The following MRPL11 variants were observed in gnomAD, a reference collection of about 807,000 sequenced individuals.
MRPL11 encodes the protein mitochondrial ribosomal protein L11, also known as large ribosomal subunit protein uL11m.
In MRPL11, 21 loss-of-function variants were observed where a neutral mutation model predicts 19.1. The ratio of observed to expected loss-of-function variants is 1.10; its 90% CI spans 0.78 to 1.58. The LOEUF (loss-of-function observed/expected upper bound fraction) is 1.58. Among genes scored for constraint, MRPL11 ranks in the 40% most tolerant of loss-of-function variants. MRPL11 has a pLI of 0.00. For synonymous variants in MRPL11, 108 were observed against 99.7 expected, an observed-to-expected ratio of 1.08 and a Z score of -0.49; for missense variants, 242 against 243.9, an observed-to-expected ratio of 0.99 and a Z score of 0.05.
rs368362939 is a variant in MRPL11, at chr11:66,438,200, C to T, written c.183G>A (p.Lys61=). The change falls in exon 2 of 5, where the codon AAG becomes AAA. Residue 61 remains lysine (K), a synonymous_variant. Coordinates refer to ENST00000310999, the MANE Select transcript of MRPL11 (RefSeq NM_016050.5). ...KEFNERTKDI[K]EGIPLPTKIL... ...TCTTGGTAGGCAGAGGAATGCCTTC[C>T]TTGATGTCCTTTGTCCTCTCATTGA... 61 of 1,613,934 alleles carry T rather than the reference C, an allele frequency of 3.8e-5. No homozygotes were observed. The highest frequency in any genetic ancestry group is 1.8e-4 in the Admixed American group (11 of 60,006).
chr11:66,436,726 G>C, intron 4 of MRPL11: 1 of 895,196 alleles, frequency 1.1e-6, no homozygotes, highest in Non-Finnish European at 1.8e-6. Flanking sequence ...CCATGACAGG[G>C]GTCCCTGTTT....
Position 66,436,027 on chromosome 11 carries a change from C to G in MRPL11, c.559G>C (p.Glu187Gln), listed in dbSNP as rs750440982. The change falls in exon 5 of 5, where the codon GAA becomes CAA. Residue 187 changes from glutamate (E) to glutamine (Q), a missense_variant. Physicochemically the swap from Glu to Gln is conservative, Grantham distance 29 (BLOSUM62 2). Coordinates refer to ENST00000310999, the MANE Select transcript of MRPL11 (RefSeq NM_016050.5). ...AQKEADLAAQ[E>Q]EAAKK ...AAGGGTCACTTCTTGGCAGCTTCTT[C>G]TTGGGCAGCCAAATCTGCCTCCTTC... 2 of 1,613,796 alleles carry G rather than the reference C, an allele frequency of 1.2e-6. No individual in the cohort carries two copies. The highest frequency in any genetic ancestry group is 1.7e-6 in the Non-Finnish European group (2 of 1,179,864).
rs1400753626 is a variant in MRPL11 at position 66,435,752 on chromosome 11, C to A, written c.*255G>T. 2.6e-6 allele frequency: 1 copy of A among 391,572 alleles called. No homozygotes were observed. The highest frequency in any genetic ancestry group is 2.0e-5 in the African/African-American group (1 of 49,576). The allele number at this position is 391,572 out of a possible 1,614,324, so 24.3% of individuals were successfully genotyped here. Reference sequence around the variant, plus strand: ...GCACATCTGAGAAGCAGTATGAAGACCCCAATTTCCTAATGTCTGCCCATA... The same window carrying A: ...GCACATCTGAGAAGCAGTATGAAGAACCCAATTTCCTAATGTCTGCCCATA... On this transcript the variant is annotated 3_prime_UTR_variant, in exon 5 of 5. Coordinates refer to ENST00000310999, the MANE Select transcript of MRPL11 (RefSeq NM_016050.5).
intron 2 of MRPL11, 27 bp downstream of exon 2, chr11:66,438,137 A>T (rs1484511132): frequency 6.5e-7 from 1 of 1,531,750 alleles, no homozygotes; most frequent in East Asian, 2.3e-5. Flanking sequence ...GGGAGAAGGA[A>T]ACCAGGGATC....
intron 4 of MRPL11, among the ~76,000 whole-genome samples, 185 bp from the exon 5 acceptor site, chr11:66,436,297 C>T (rs1856967727): frequency 6.6e-6 from 1 of 152,236 alleles, no homozygotes; most frequent in Admixed American, 6.5e-5. Context: ...GACAACATCT[C>T]CCAACCCCCA....
intron 3 of MRPL11, 31 bp downstream of exon 3, chr11:66,437,319 C>T: frequency 6.2e-7 from 1 of 1,614,184 alleles, no homozygotes; most frequent in Non-Finnish European, 8.5e-7. Context: ...CTGGAGCCCC[C>T]AGAATCTCAG....
chr11:66,438,454 G>A (rs776127600), intron 1 of MRPL11, among the ~76,000 whole-genome samples, 178 bp downstream of exon 1: 1 of 152,224 alleles, frequency 6.6e-6, no homozygotes, highest in Non-Finnish European at 1.5e-5. Context: ...TTGAAGAAGG[G>A]ATGAGGAAGC....
In MRPL11 at chr11:66,436,440, G is replaced by A. The variant is rs550801030; in HGVS notation, c.474-328C>T. Reference sequence around the variant, plus strand: ...ACAATGACGTCACGGGGCTGAGCATGTGTGTCTCTCCCAGGACAGGGGTCA... The same window carrying A: ...ACAATGACGTCACGGGGCTGAGCATATGTGTCTCTCCCAGGACAGGGGTCA... On this transcript the variant is annotated intron_variant, in intron 4 of 4. Transcript: ENST00000310999. 1.1e-4 allele frequency among the ~76,000 whole-genome samples: 17 copies of A among 152,158 alleles called. No individual in the cohort carries two copies. The South Asian group carries it at 3.5e-3, about 32-fold the overall frequency.
chr11:66,436,040 A>C lies in MRPL11; in HGVS notation c.546T>G (p.Asp182Glu), dbSNP rs578101480. Reference protein sequence around the residue: ...AIFLAAQKEADLAAQEEAAKK With the variant: ...AIFLAAQKEAELAAQEEAAKK ...TGGCAGCTTCTTCTTGGGCAGCCAA[A>C]TCTGCCTCCTTCTGAGCAGCCAGGA... Residue 182 changes from aspartate to glutamate, a missense_variant, in exon 5 of 5, where the codon GAT becomes GAG. Transcript: ENST00000310999. 1.4e-5 allele frequency: 22 copies of C among 1,613,962 alleles called. No homozygotes were observed. In the East Asian group the frequency reaches 3.1e-4, roughly 23 times the overall value.
chr11:66,437,521 C>A, intron 2 of MRPL11, 78 bp from the exon 3 acceptor site: 4 of 1,273,338 alleles, frequency 3.1e-6, no homozygotes, highest in Non-Finnish European at 4.5e-6. Flanking sequence ...TTGCCCCCTG[C>A]TTCCTTCATC....
Position 66,438,205 on chromosome 11 carries a change from T to G in MRPL11, c.178A>C (p.Ile60Leu). Reference protein sequence around the residue: ...CKEFNERTKDIKEGIPLPTKI... With the variant: ...CKEFNERTKDLKEGIPLPTKI... ...GTAGGCAGAGGAATGCCTTCCTTGATGTCCTTTGTCCTCTCATTGAACTCC... is the reference window on the plus strand; with the variant it reads ...GTAGGCAGAGGAATGCCTTCCTTGAGGTCCTTTGTCCTCTCATTGAACTCC... Residue 60 changes from isoleucine (I) to leucine (L), a missense_variant, in exon 2 of 5, where the codon ATC (isoleucine) becomes CTC (leucine). Ile to Leu is a conservative substitution (Grantham distance 5). Coordinates refer to ENST00000310999, the MANE Select transcript of MRPL11 (RefSeq NM_016050.5). 1.2e-6 allele frequency: 2 copies of G among 1,614,130 alleles called. No individual in the cohort carries two copies. The highest frequency in any genetic ancestry group is 1.7e-6 in the Non-Finnish European group (2 of 1,179,978).
At chr11:66,438,025 A>T (rs1857021627) in intron 2 of MRPL11, 139 bp downstream of exon 2, 1 of 637,652 alleles carries the variant, frequency 1.6e-6, no homozygotes, top group Non-Finnish European at 2.8e-6. Flanking sequence ...AAAAAATATG[A>T]TCTAGTCCTA....
At chr11:66,436,830 A>G in intron 4 of MRPL11, 1 of 1,613,870 alleles carries the variant, frequency 6.2e-7, no homozygotes, top group Non-Finnish European at 8.5e-7. Context: ...AGGACGACAG[A>G]CCCAGGTCAC....
At chr11:66,437,046 G>C in intron 4 of MRPL11, 58 bp downstream of exon 4, 1 of 1,590,368 alleles carries the variant, frequency 6.3e-7, no homozygotes, top group Non-Finnish European at 8.5e-7. Flanking sequence ...TCTCAGCTCT[G>C]CCCGAGTCCA....
Position 66,436,053 on chromosome 11 carries a change from T to C in MRPL11, c.533A>G (p.Gln178Arg). Residue 178 changes from glutamine to arginine, a missense_variant, in exon 5 of 5, where the codon CAG becomes CGG. Transcript: ENST00000310999. ...TTGGGCAGCCAAATCTGCCTCCTTC[T>C]GAGCAGCCAGGAAGATGGCTCGTTC... The part of the protein sequence containing the change: ...QKERAIFLAA[Q>R]KEADLAAQEE... 2 of 1,614,052 alleles carry C rather than the reference T, an allele frequency of 1.2e-6. No homozygotes were observed. Among genetic ancestry groups the C allele is most frequent in the Non-Finnish European group, 1.7e-6 (2 of 1,179,970 alleles).
At position 66,436,754 on chromosome 11, in the gene MRPL11, G is replaced by T. The variant is rs909804308; in HGVS notation, c.473+350C>A. 11 of 1,266,944 alleles carry T rather than the reference G, an allele frequency of 8.7e-6. No homozygotes were observed. In the Admixed American group the frequency reaches 1.6e-4, roughly 18 times the overall value. 78.5% of individuals were successfully genotyped at this position (1,266,944 alleles called of 1,614,324 possible). A position where few individuals can be genotyped will look rare whatever the true frequency, so the allele number is the denominator to read the frequency against. On this transcript the variant is annotated intron_variant, in intron 4 of 4. Coordinates refer to ENST00000310999, the MANE Select transcript of MRPL11 (RefSeq NM_016050.5). Reference sequence around the variant, plus strand: ...CCCTGTTTGCCTCAGGAGCAAGCATGAACCTGACACAGCTCAAAAGTCCTT... The same window carrying T: ...CCCTGTTTGCCTCAGGAGCAAGCATTAACCTGACACAGCTCAAAAGTCCTT...
Position 66,437,404 on chromosome 11 carries a change from CAG to C in MRPL11, c.257_258del (p.Thr86SerfsTer12). The C allele has an allele frequency of 6.2e-7, 1 of 1,614,122 alleles. No individual in the cohort carries two copies. Among genetic ancestry groups the C allele is most frequent in the Non-Finnish European group, 8.5e-7 (1 of 1,179,996 alleles). On this transcript the variant is annotated frameshift_variant, in exon 3 of 5. Coordinates refer to ENST00000310999, the MANE Select transcript of MRPL11 (RefSeq NM_016050.5). LOFTEE classifies it high-confidence loss of function. ...GCTGCTGCCTTCAGGAAGTAGGAAACAGTGGGCTGTCCAATCTTAATTTCAAA... is the reference window on the plus strand; with the variant it reads ...GCTGCTGCCTTCAGGAAGTAGGAAACTGGGCTGTCCAATCTTAATTTCAAA... Reference protein sequence around the residue: ...RTFEIKIGQPTVSYFLKAAAG... With the variant: ...RTFEIKIGQPXVSYFLKAAAG...
chr11:66,436,776 C>T, intron 4 of MRPL11: 2 of 1,490,638 alleles, frequency 1.3e-6, no homozygotes, highest in Non-Finnish European at 1.9e-6. Flanking sequence ...GCTCAAAAGT[C>T]CTTCGCACTG....
chr11:66,437,735 G>T (rs957179081), intron 2 of MRPL11, among the ~76,000 whole-genome samples: 3 of 152,124 alleles, frequency 2.0e-5, no homozygotes, highest in African/African-American at 2.4e-5. Context: ...TTAGCCGGGC[G>T]TGGTGGCGGG....
Sources: gnomAD v4.1 joint callset for allele counts (sites outside exome capture counted in the v4.1 genomes callset) on GRCh38, gnomAD v4.1.1 for gene constraint, MANE v1.5 for transcripts, NCBI Gene and HGNC (gene_info 2026-07-23, HGNC 2026-07-21) for gene names.